Variants in TMPRSS11F observed in about 807,000 individuals in gnomAD.
TMPRSS11F encodes the protein transmembrane serine protease 11F.
Under a neutral mutation model 60.2 loss-of-function variants are expected in TMPRSS11F, and 47 were observed. That is an observed-to-expected ratio of 0.78 (90% CI 0.62 to 1.00). The LOEUF (loss-of-function observed/expected upper bound fraction) is 1.00, where lower values mean the gene tolerates loss of function less well. TMPRSS11F is among the 50% of genes least tolerant of loss of function. The pLI is 0.00. For synonymous variants in TMPRSS11F, 166 were observed against 167.3 expected, an observed-to-expected ratio of 0.99 and a Z score of 0.06; for missense variants, 519 against 522.9, an observed-to-expected ratio of 0.99 and a Z score of 0.07.
intron 3 of TMPRSS11F, among the ~76,000 whole-genome samples, chr4:68,083,087 C>T (rs1317242559): frequency 6.6e-6 from 1 of 152,178 alleles, no homozygotes; most frequent in Admixed American, 6.5e-5. Context: ...AAGCTGCATA[C>T]CCATGACAAC....
rs1723908646 is a variant in TMPRSS11F at position 68,090,661 on chromosome 4, A to G, written c.164-20T>C. 4 of 1,583,014 alleles carry G rather than the reference A, an allele frequency of 2.5e-6. No individual in the cohort carries two copies. In the Admixed American group the frequency reaches 5.4e-5, roughly 21 times the overall value. ...TATCATCTGAAAGGTAAAACAAACAAAAGTCTCATGGTTAAAGGTAATAAG... is the reference window on the plus strand; with the variant it reads ...TATCATCTGAAAGGTAAAACAAACAGAAGTCTCATGGTTAAAGGTAATAAG... On this transcript the variant is annotated intron_variant, in intron 2 of 9. Coordinates refer to ENST00000356291, the MANE Select transcript of TMPRSS11F (RefSeq NM_207407.2).
At chr4:68,065,595 G>A (rs1723309425) in intron 7 of TMPRSS11F, among the ~76,000 whole-genome samples, 1 of 152,056 alleles carries the variant, frequency 6.6e-6, no homozygotes, top group Admixed American at 6.6e-5. Flanking sequence ...TATATCACCA[G>A]CAAATTCTAG....
At chr4:68,060,554 CTAGTTT>C (rs1374929300) in intron 8 of TMPRSS11F, among the ~76,000 whole-genome samples, 16 of 123,058 alleles carry the variant, frequency 1.3e-4, no homozygotes, top group Non-Finnish European at 2.6e-4. Flanking sequence ...TATATTAACA[CTAGTTT>C]TTTTTTCAGG....
At chr4:68,078,751 C>A (rs1560398963) in intron 3 of TMPRSS11F, among the ~76,000 whole-genome samples, 1 of 152,108 alleles carries the variant, frequency 6.6e-6, no homozygotes, top group African/African-American at 2.4e-5. Context: ...CAGTAGTGAC[C>A]TCACATATTT....
chr4:68,070,116 ATT>A, intron 5 of TMPRSS11F, 109 bp from the exon 6 acceptor site: 3 of 798,792 alleles, frequency 3.8e-6, no homozygotes, highest in Non-Finnish European at 5.8e-6. Context: ...AAGCATACAT[ATT>A]TCAAGAGAAT....
intron 1 of TMPRSS11F, among the ~76,000 whole-genome samples, chr4:68,125,964 A>T (rs1043294947): frequency 6.6e-6 from 1 of 152,198 alleles, no homozygotes; most frequent in African/African-American, 2.4e-5. Flanking sequence ...TATAAACTGG[A>T]GATCTACTTT....
intron 7 of TMPRSS11F, among the ~76,000 whole-genome samples, chr4:68,068,112 C>T (rs1723367949): frequency 6.6e-6 from 1 of 152,150 alleles, no homozygotes; most frequent in Non-Finnish European, 1.5e-5. Flanking sequence ...GCAGGTCTCT[C>T]CCACCTTCCA....
intron 1 of TMPRSS11F, among the ~76,000 whole-genome samples, chr4:68,106,829 A>C (rs990912922): frequency 1.3e-5 from 2 of 152,260 alleles, no homozygotes; most frequent in African/African-American, 2.4e-5. Flanking sequence ...AAGACATTTA[A>C]AGAAACTGGT....
At chr4:68,111,806 T>C (rs1470801208) in intron 1 of TMPRSS11F, among the ~76,000 whole-genome samples, 1 of 152,152 alleles carries the variant, frequency 6.6e-6, no homozygotes, top group African/African-American at 2.4e-5. Context: ...AGAGACTAAT[T>C]TAGGCAAGGT....
chr4:68,068,882 T>C, intron 6 of TMPRSS11F, 63 bp from the exon 7 acceptor site: 1 of 1,553,210 alleles, frequency 6.4e-7, no homozygotes, highest in Admixed American at 1.7e-5. Context: ...TATTCTGATT[T>C]GCTTTGGTTA....
intron 1 of TMPRSS11F, among the ~76,000 whole-genome samples, chr4:68,112,203 G>T (rs1724420844): frequency 6.6e-6 from 1 of 152,160 alleles, no homozygotes; most frequent in Admixed American, 6.5e-5. Context: ...AGTTCAGTGA[G>T]TCTAGCTTCC....
intron 2 of TMPRSS11F, among the ~76,000 whole-genome samples, chr4:68,093,884 A>C (rs113442767): frequency 0.32 from 39,577 of 125,240 alleles, 7,215 homozygotes; most frequent in Non-Finnish European, 0.45. Flanking sequence ...GCAATCATTA[A>C]AAAGTCAGGA....
At chr4:68,093,389 A>C (rs983270980) in intron 2 of TMPRSS11F, among the ~76,000 whole-genome samples, 1 of 152,176 alleles carries the variant, frequency 6.6e-6, no homozygotes, top group African/African-American at 2.4e-5. Context: ...CCTTATACAA[A>C]AATCAATTCA....
chr4:68,090,386 A>C, intron 3 of TMPRSS11F, 137 bp downstream of exon 3: 1 of 1,311,646 alleles, frequency 7.6e-7, no homozygotes, highest in Non-Finnish European at 9.9e-7. Flanking sequence ...TTTAATCCTC[A>C]CAACTGTATG....
chr4:68,071,423 C>T (rs1723460250), intron 5 of TMPRSS11F, among the ~76,000 whole-genome samples: 1 of 152,144 alleles, frequency 6.6e-6, no homozygotes. Flanking sequence ...ACAAGCCCCT[C>T]TCCCATCTTT....
At chr4:68,087,346 T>C (rs1723833526) in intron 3 of TMPRSS11F, among the ~76,000 whole-genome samples, 2 of 152,112 alleles carry the variant, frequency 1.3e-5, no homozygotes, top group Admixed American at 1.3e-4. Flanking sequence ...AAACTAGGCA[T>C]TGAAGGAACA....
At chr4:68,071,655 A>G (rs975793748) in intron 5 of TMPRSS11F, among the ~76,000 whole-genome samples, 3 of 152,206 alleles carry the variant, frequency 2.0e-5, no homozygotes, top group Non-Finnish European at 2.9e-5. Flanking sequence ...TCGGGTTCCA[A>G]CTAGCTGTAA....
At chr4:68,068,895 G>A (rs1723391050) in intron 6 of TMPRSS11F, 76 bp from the exon 7 acceptor site, 4 of 1,482,272 alleles carry the variant, frequency 2.7e-6, no homozygotes, top group South Asian at 2.3e-5. Context: ...TTTGGTTATA[G>A]ACAATCCTTT....
chr4:68,114,807 T>C (rs1724481997), intron 1 of TMPRSS11F, among the ~76,000 whole-genome samples: 1 of 151,330 alleles, frequency 6.6e-6, no homozygotes, highest in Admixed American at 6.6e-5. Context: ...AAACCAATAT[T>C]ATATAAAAAC....
Sources: allele counts gnomAD v4.1 joint callset (sites outside exome capture counted in the v4.1 genomes callset), GRCh38; gene constraint gnomAD v4.1.1; transcripts MANE v1.5; gene names NCBI Gene and HGNC (gene_info 2026-07-23, HGNC 2026-07-21).